The following NRG1 variants were observed in gnomAD, a reference collection of about 807,000 sequenced individuals.
NRG1 encodes the protein pro-neuregulin-1, membrane-bound isoform.
A neutral mutation model predicts 63.8 loss-of-function variants in NRG1; 18 were observed. That is an observed-to-expected ratio of 0.28 (90% confidence interval 0.19 to 0.42). NRG1 has a LOEUF of 0.42. Among genes scored for constraint, NRG1 ranks in the 10% least tolerant of loss-of-function variants. The probability of loss-of-function intolerance (pLI) is 1.00; values close to 1 mark genes in which losing one functional copy is unlikely to be tolerated. For missense variants in NRG1, 762 were observed against 814.7 expected, an observed-to-expected ratio of 0.94 and a Z score of 0.79; for synonymous variants, 302 against 301.3, an observed-to-expected ratio of 1.00 and a Z score of -0.02.
chr8:31,899,414 T>C (rs561935522), intron 1 of NRG1, among the ~76,000 whole-genome samples: 17 of 152,354 alleles, frequency 1.1e-4, no homozygotes, highest in Admixed American at 3.3e-4. Context: ...ATGGGACTTA[T>C]ATTTTTAAGC....
At chr8:31,661,783 T>C (rs1806018086) in intron 1 of NRG1, among the ~76,000 whole-genome samples, 2 of 152,234 alleles carry the variant, frequency 1.3e-5, no homozygotes, top group Non-Finnish European at 2.9e-5. Flanking sequence ...GTCTTTGACA[T>C]AGCATGACTT....
Position 32,418,616 on chromosome 8 carries a change from T to G in NRG1, c.38-177212T>G, listed in dbSNP as rs183603563. 5.6e-3 allele frequency among the ~76,000 whole-genome samples: 845 copies of G among 152,232 alleles called. 8 individuals carry two copies. The highest frequency in any genetic ancestry group is 0.019 in the African/African-American group (776 of 41,568). ...ATATTTATCATGGCAGTTTTAAATG[T>G]ATTAAAATGATAAGTCTATAAGGTA... On this transcript the variant is annotated intron_variant, in intron 1 of 10. Transcript: ENST00000519301.
At chr8:31,813,702 A>T (rs1236400915) in intron 1 of NRG1, among the ~76,000 whole-genome samples, 1 of 150,784 alleles carries the variant, frequency 6.6e-6, no homozygotes, top group Non-Finnish European at 1.5e-5. Context: ...TAAATTTTGT[A>T]TTTTTTGTCA....
chr8:31,790,965 C>G (rs758998569), intron 1 of NRG1, among the ~76,000 whole-genome samples: 6 of 152,078 alleles, frequency 3.9e-5, no homozygotes, highest in Non-Finnish European at 5.9e-5. Flanking sequence ...AATCCCAGCA[C>G]TTTGGGAGGC....
chr8:32,148,556 G>A (rs544574993), intron 1 of NRG1, among the ~76,000 whole-genome samples: 459 of 152,160 alleles, frequency 3.0e-3, no homozygotes, highest in Middle Eastern at 6.8e-3. Context: ...CCACCACCAC[G>A]CCCGGCTAAT....
At chr8:32,358,368 GAAAAAAAA>G (rs34976612) in intron 1 of NRG1, among the ~76,000 whole-genome samples, 1 of 99,022 alleles carries the variant, frequency 1.0e-5, no homozygotes, top group African/African-American at 4.3e-5. Context: ...TGCCATTTAT[GAAAAAAAA>G]AAAAAAAAAA....
chr8:32,748,081 C>T (rs1409461319), intron 7 of NRG1, among the ~76,000 whole-genome samples: 1 of 151,972 alleles, frequency 6.6e-6, no homozygotes, highest in Non-Finnish European at 1.5e-5. Flanking sequence ...AAGATGATTC[C>T]AGCACACTCA....
intron 1 of NRG1, among the ~76,000 whole-genome samples, chr8:32,439,178 A>C (rs1819180462): frequency 6.6e-6 from 1 of 152,230 alleles, no homozygotes; most frequent in Non-Finnish European, 1.5e-5. Flanking sequence ...AAAATCACAA[A>C]GTAATTTGAA....
At chr8:31,824,852 T>C (rs752381493) in intron 1 of NRG1, among the ~76,000 whole-genome samples, 1 of 152,208 alleles carries the variant, frequency 6.6e-6, no homozygotes, top group Non-Finnish European at 1.5e-5. Context: ...GGAAGATTGA[T>C]TTGTTTAAAA....
intron 1 of NRG1, among the ~76,000 whole-genome samples, chr8:31,767,503 T>C (rs1818185272): frequency 6.6e-6 from 1 of 152,162 alleles, no homozygotes; most frequent in South Asian, 2.1e-4. Context: ...CCTGTGTTTG[T>C]GTATTTTCAC....
intron 1 of NRG1, among the ~76,000 whole-genome samples, chr8:32,116,945 CA>C (rs1477050578): frequency 3.2e-5 from 4 of 123,236 alleles, no homozygotes; most frequent in Non-Finnish European, 6.5e-5. Flanking sequence ...AGTTTGAAAC[CA>C]ACCAATATAG....
At chr8:31,969,678 G>C (rs922124509) in intron 1 of NRG1, among the ~76,000 whole-genome samples, 1 of 152,016 alleles carries the variant, frequency 6.6e-6, no homozygotes, top group Non-Finnish European at 1.5e-5. Context: ...CCATTCTCTG[G>C]TTTTTCTCTC....
chr8:32,074,710 C>T (rs188124840), intron 1 of NRG1, among the ~76,000 whole-genome samples: 1 of 152,116 alleles, frequency 6.6e-6, no homozygotes, highest in East Asian at 1.9e-4. Context: ...CAGTCAGTGT[C>T]TGTTATGAAT....
At chr8:32,069,970 A>G (rs2131015546) in intron 1 of NRG1, among the ~76,000 whole-genome samples, 1 of 152,302 alleles carries the variant, frequency 6.6e-6, no homozygotes, top group Non-Finnish European at 1.5e-5. Flanking sequence ...TCCTCGGTAG[A>G]GAGTCCTTTG....
chr8:32,547,590 A>AACACACACACACACACACACACAC (rs33943729), upstream of NRG1, among the ~76,000 whole-genome samples: 3 of 148,492 alleles, frequency 2.0e-5, no homozygotes, highest in African/African-American at 7.4e-5. Context: ...GCACTTACTA[A>AACACACACACACACACACACACAC]ACACACACAC....
chr8:32,451,415 A>T (rs1423896144), intron 1 of NRG1, among the ~76,000 whole-genome samples: 1 of 152,208 alleles, frequency 6.6e-6, no homozygotes, highest in African/African-American at 2.4e-5. Context: ...TGGAAGCCCA[A>T]ATTCAGAGCC....
At chr8:31,787,862 G>A (rs1820326903) in intron 1 of NRG1, among the ~76,000 whole-genome samples, 1 of 152,088 alleles carries the variant, frequency 6.6e-6, no homozygotes, top group African/African-American at 2.4e-5. Context: ...AATGAAACTA[G>A]TGACATCATC....
chr8:31,866,902 A>G (rs1023848372), intron 1 of NRG1, among the ~76,000 whole-genome samples: 1 of 152,178 alleles, frequency 6.6e-6, no homozygotes, highest in Non-Finnish European at 1.5e-5. Context: ...AATGCATTTT[A>G]GGAGGGCACT....
chr8:31,715,108 AT>A (rs1272215408), intron 1 of NRG1, among the ~76,000 whole-genome samples: 1 of 152,164 alleles, frequency 6.6e-6, no homozygotes, highest in Non-Finnish European at 1.5e-5. Context: ...TGAATGTATA[AT>A]TGATTAAGGA....
Sources: allele counts gnomAD v4.1 joint callset (sites outside exome capture counted in the v4.1 genomes callset), GRCh38; gene constraint gnomAD v4.1.1; transcripts MANE v1.5; gene names NCBI Gene and HGNC (gene_info 2026-07-23, HGNC 2026-07-21).